Variants in GLIS3 observed in about 807,000 individuals in gnomAD.
GLIS3 encodes zinc finger protein GLIS3.
In GLIS3, 53 loss-of-function variants were observed where a neutral mutation model predicts 78.6. The observed-to-expected ratio is 0.67, with a 90% CI of 0.54 to 0.85. GLIS3 has a LOEUF of 0.85. Ranked by LOEUF, GLIS3 falls within the 40% of genes least tolerant of loss-of-function variation. The pLI, the probability that GLIS3 is intolerant of heterozygous loss-of-function variation, is 0.00. For synonymous variants in GLIS3, 684 were observed against 509.9 expected, an observed-to-expected ratio of 1.34 and a Z score of -4.60; for missense variants, 1,703 against 1,231.1, an observed-to-expected ratio of 1.38 and a Z score of -5.74.
At chr9:4,385,784 A>AGAAAGAAAGAAG in the GLIS3 span, among the ~76,000 whole-genome samples, 3 of 80,924 alleles carry the variant, frequency 3.7e-5, no homozygotes, top group East Asian at 7.6e-4. Context: ...AAAGAAAGAA[A>AGAAAGAAAGAAG]GAAAGAAAGA....
At chr9:3,918,104 A>G (rs560395145) in intron 6 of GLIS3, among the ~76,000 whole-genome samples, 2 of 152,338 alleles carry the variant, frequency 1.3e-5, no homozygotes, top group East Asian at 3.9e-4. Context: ...CTAAATGCAG[A>G]CTGGCAAGAT....
intron 2 of GLIS3, among the ~76,000 whole-genome samples, chr9:4,180,696 C>G (rs1054716212): frequency 5.9e-5 from 9 of 152,248 alleles, no homozygotes; most frequent in African/African-American, 1.9e-4. Context: ...CAAGCCAAAC[C>G]CCCAATTCTT....
At chr9:3,999,485 A>C (rs1304518223) in intron 4 of GLIS3, among the ~76,000 whole-genome samples, 1 of 152,178 alleles carries the variant, frequency 6.6e-6, no homozygotes, top group East Asian at 1.9e-4. Flanking sequence ...TTTAATTTTT[A>C]AAAGTTACCA....
chr9:4,119,765 T>A (rs1454362044), intron 3 of GLIS3, among the ~76,000 whole-genome samples: 1 of 152,234 alleles, frequency 6.6e-6, no homozygotes, highest in Admixed American at 6.5e-5. Flanking sequence ...ACCCTATGTC[T>A]CACAATATAT....
intron 1 of GLIS3, chr9:4,298,334 C>G: frequency 2.2e-6 from 1 of 455,588 alleles, no homozygotes; most frequent in South Asian, 1.6e-5. Context: ...AGTCGGAGGG[C>G]GCGAACGCGG....
At chr9:4,226,173 C>T (rs1192068974) in intron 2 of GLIS3, among the ~76,000 whole-genome samples, 2 of 152,226 alleles carry the variant, frequency 1.3e-5, no homozygotes, top group Middle Eastern at 3.4e-3. Flanking sequence ...CAACAGATAA[C>T]GTATTGGATA....
the GLIS3 span, among the ~76,000 whole-genome samples, chr9:4,426,153 A>G: frequency 6.6e-6 from 1 of 152,144 alleles, no homozygotes; most frequent in East Asian, 1.9e-4. Context: ...TGAACTCCAG[A>G]AAAGATTTTA....
chr9:4,081,227 C>T (rs1828530551), intron 4 of GLIS3: 1 of 152,262 alleles, frequency 6.6e-6, no homozygotes, highest in Admixed American at 6.5e-5. Flanking sequence ...GACCCACTTA[C>T]CTTCTATACA....
chr9:4,080,780 T>G (rs7875452), intron 4 of GLIS3, among the ~76,000 whole-genome samples: 31,119 of 152,042 alleles, frequency 0.2, 4,048 homozygotes, highest in South Asian at 0.42. Context: ...ATTACAAATA[T>G]CAAAGAAAGA....
intron 9 of GLIS3, among the ~76,000 whole-genome samples, chr9:3,832,609 C>T (rs2129975025): frequency 6.6e-6 from 1 of 152,314 alleles, no homozygotes; most frequent in East Asian, 1.9e-4. Context: ...GTTCCTTGGA[C>T]TGATCTTGAC....
At chr9:4,301,807 A>G (rs1817086033), upstream of GLIS3, among the ~76,000 whole-genome samples, 1 of 152,174 alleles carries the variant, frequency 6.6e-6, no homozygotes, top group African/African-American at 2.4e-5. Context: ...AACTTTAATC[A>G]ATAGCTCATG....
At chr9:3,903,499 G>A (rs774522030) in intron 6 of GLIS3, among the ~76,000 whole-genome samples, 6 of 152,166 alleles carry the variant, frequency 3.9e-5, no homozygotes, top group African/African-American at 1.2e-4. Context: ...TGTGAACGGC[G>A]TTCCTGGAAT....
rs185372974 is a variant in GLIS3, at chr9:3,842,005, G to T, written c.2474-12513C>A. On this transcript the variant is annotated intron_variant, in intron 9 of 10. Coordinates refer to ENST00000381971, the MANE Select transcript of GLIS3 (RefSeq NM_001042413.2). ...CAAGGGAAGCATGGTAAAGAATGAAGATTTAATTTTAAATGCCCTTGTCTT... is the reference window on the plus strand; with the variant it reads ...CAAGGGAAGCATGGTAAAGAATGAATATTTAATTTTAAATGCCCTTGTCTT... 1.6e-3 allele frequency among the ~76,000 whole-genome samples: 249 copies of T among 152,300 alleles called. 1 individual carries two copies. The highest frequency in any genetic ancestry group is 5.8e-3 in the African/African-American group (243 of 41,564).
chr9:3,878,486 C>A (rs764368586), intron 8 of GLIS3: 4 of 152,180 alleles, frequency 2.6e-5, no homozygotes, highest in Admixed American at 6.5e-5. Context: ...CACATATTAC[C>A]AAACTCATAG....
At chr9:3,943,495 A>G (rs1816083413) in intron 4 of GLIS3, among the ~76,000 whole-genome samples, 1 of 152,188 alleles carries the variant, frequency 6.6e-6, no homozygotes, top group African/African-American at 2.4e-5. Flanking sequence ...CTAAAAGGTA[A>G]TATCTGATTT....
intron 2 of GLIS3, among the ~76,000 whole-genome samples, chr9:4,321,868 C>A (rs1455304167): frequency 1.3e-5 from 2 of 152,010 alleles, no homozygotes; most frequent in African/African-American, 2.4e-5. Flanking sequence ...ACTACCACAC[C>A]CGATAATTGT....
intron 2 of GLIS3, among the ~76,000 whole-genome samples, chr9:4,255,436 T>C (rs1353366112): frequency 6.6e-6 from 1 of 152,194 alleles, no homozygotes; most frequent in East Asian, 1.9e-4. Context: ...AGCAACTTTA[T>C]TCACAGTTGG....
chr9:4,416,291 G>A, the GLIS3 span, among the ~76,000 whole-genome samples: 21 of 124,838 alleles, frequency 1.7e-4, no homozygotes, highest in Admixed American at 1.7e-3. Flanking sequence ...CATGCAAATT[G>A]ATCTTAATAT....
chr9:4,283,098 TACACAC>T lies in GLIS3; in HGVS notation c.388+2934_388+2939del, dbSNP rs5896058. ...ATATATGCGTGCACACACAAACACA[TACACAC>T]ACACACACACACACACAGGAATGCA... On this transcript the variant is annotated intron_variant, in intron 2 of 10. Transcript: ENST00000381971. 2.7e-5 allele frequency among the ~76,000 whole-genome samples: 4 copies of T among 149,032 alleles called. No individual in the cohort carries two copies. The South Asian group carries it at 6.4e-4, about 24-fold the overall frequency.
Sources: gnomAD v4.1 joint callset for allele counts (sites outside exome capture counted in the v4.1 genomes callset) on GRCh38, gnomAD v4.1.1 for gene constraint, MANE v1.5 for transcripts, NCBI Gene and HGNC (gene_info 2026-07-23, HGNC 2026-07-21) for gene names.